The following ZNF469 variants were observed in gnomAD, a reference collection of about 807,000 sequenced individuals.
The protein encoded by ZNF469 is zinc finger protein 469.
In ZNF469, 1 loss-of-function variant was observed where a neutral mutation model predicts 1.0. The ratio of observed to expected loss-of-function variants is 1.00; its 90% CI spans 0.35 to 4.73. The LOEUF (loss-of-function observed/expected upper bound fraction) is 4.73, where lower values mean the gene tolerates loss of function less well. Among genes scored for constraint, ZNF469 ranks in the 30% most tolerant of loss-of-function variants. The probability of loss-of-function intolerance (pLI) is 0.16; values close to 1 mark genes in which losing one functional copy is unlikely to be tolerated. For synonymous variants in ZNF469, 2,703 were observed against 2,363.4 expected (o/e 1.14, Z -4.17); for missense variants, 6,100 against 5,356.3 (o/e 1.14, Z -4.33).
chr16:88,280,237 G>C, the ZNF469 span, among the ~76,000 whole-genome samples: 26 of 151,540 alleles, frequency 1.7e-4, no homozygotes, highest in Non-Finnish European at 3.4e-4. Flanking sequence ...GCACCACCCT[G>C]ACGCTCAGTC....
At chr16:88,142,339 C>T in the ZNF469 span, among the ~76,000 whole-genome samples, 5 of 152,232 alleles carry the variant, frequency 3.3e-5, 1 homozygote, top group African/African-American at 4.8e-5. Flanking sequence ...CTGACCTTCA[C>T]CTCCTGGCCC....
rs1372539272 is a variant in ZNF469, at chr16:88,438,213, G to A, written c.10743G>A (p.Glu3581=). ...GAGCCCTGGAGAGGCCAGAGAACGA[G>A]GCTTCCCCAGGCAGCCCCGGGCCTC... ...LDGALERPEN[E]ASPGSPGPLL... The change falls in exon 3 of 3, where the codon GAG becomes GAA. Residue 3581 remains glutamate, a synonymous_variant. Coordinates refer to ENST00000565624, the MANE Select transcript of ZNF469 (RefSeq NM_001367624.2). The A allele has an allele frequency of 6.5e-7, 1 of 1,546,954 alleles. No homozygotes were observed. Among genetic ancestry groups the A allele is most frequent in the South Asian group, 1.2e-5 (1 of 83,950 alleles).
chr16:88,287,409 G>T, the ZNF469 span, among the ~76,000 whole-genome samples: 2 of 152,206 alleles, frequency 1.3e-5, no homozygotes, highest in Non-Finnish European at 2.9e-5. Context: ...GTGTACAACC[G>T]CACCAGCGGA....
chr16:88,298,477 A>G, the ZNF469 span, among the ~76,000 whole-genome samples: 1 of 152,246 alleles, frequency 6.6e-6, no homozygotes, highest in African/African-American at 2.4e-5. Flanking sequence ...CAGTCCAGAC[A>G]GCCCAGGCTG....
chr16:88,331,431 C>T, the ZNF469 span, among the ~76,000 whole-genome samples: 2 of 150,554 alleles, frequency 1.3e-5, no homozygotes, highest in East Asian at 2.0e-4. Context: ...ACCAACACCA[C>T]CATCATAACC....
At chr16:88,259,257 C>T in the ZNF469 span, among the ~76,000 whole-genome samples, 1 of 139,064 alleles carries the variant, frequency 7.2e-6, no homozygotes, top group Admixed American at 7.0e-5. This position sits in a 1 kb window ranked among gnomAD's most constrained non-coding sequence, Gnocchi z 4.1. Flanking sequence ...CCACCCCCCG[C>T]CCCCCCGAAG....
chr16:88,417,506 T>C (rs1286801733), intron 1 of ZNF469, among the ~76,000 whole-genome samples: 2 of 152,152 alleles, frequency 1.3e-5, no homozygotes, highest in African/African-American at 4.8e-5. Flanking sequence ...TTGGCTCTGC[T>C]AGAAGGTTCC....
the ZNF469 span, among the ~76,000 whole-genome samples, chr16:88,327,358 G>C: frequency 1.3e-5 from 2 of 152,230 alleles, no homozygotes; most frequent in Non-Finnish European, 2.9e-5. Context: ...CAGCACCCCT[G>C]CCACCTGGCT....
At chr16:88,256,888 T>TCTTTCTCTCTCTCTC in the ZNF469 span, among the ~76,000 whole-genome samples, 3 of 50,276 alleles carry the variant, frequency 6.0e-5, no homozygotes, top group African/African-American at 2.4e-4. Flanking sequence ...TTCTTTTCTT[T>TCTTTCTCTCTCTCTC]TCTTTCCTTC....
the ZNF469 span, among the ~76,000 whole-genome samples, chr16:88,245,538 A>G: frequency 6.6e-6 from 1 of 152,236 alleles, no homozygotes; most frequent in African/African-American, 2.4e-5. Flanking sequence ...GCCCAGGAGA[A>G]ATCCAAGGCT....
the ZNF469 span, among the ~76,000 whole-genome samples, chr16:88,206,010 G>A: frequency 1.6e-4 from 24 of 152,268 alleles, no homozygotes; most frequent in South Asian, 1.5e-3. Context: ...CCCCCACCCC[G>A]GGTGGCACAG....
the ZNF469 span, among the ~76,000 whole-genome samples, chr16:88,273,008 G>A: frequency 4.0e-5 from 6 of 150,844 alleles, no homozygotes; most frequent in Middle Eastern, 6.8e-3. Context: ...GTGGATAGAC[G>A]AGTGGACGGA....
the ZNF469 span, among the ~76,000 whole-genome samples, chr16:88,173,703 T>C: frequency 6.6e-6 from 1 of 152,092 alleles, no homozygotes; most frequent in Admixed American, 6.5e-5. Flanking sequence ...AGAATGAGGG[T>C]TGGGGGAATG....
the ZNF469 span, among the ~76,000 whole-genome samples, chr16:88,342,465 G>A: frequency 1.3e-5 from 2 of 152,210 alleles, no homozygotes; most frequent in Non-Finnish European, 2.9e-5. Context: ...GCCACTGAGG[G>A]TCAGAGAGGA....
the ZNF469 span, among the ~76,000 whole-genome samples, chr16:88,261,307 G>A: frequency 6.6e-5 from 10 of 152,318 alleles, no homozygotes; most frequent in African/African-American, 1.7e-4. The surrounding 1 kb of genome is among the most constrained non-coding windows in gnomAD (Gnocchi z 6.0). Flanking sequence ...CCCCTCACAC[G>A]GCACCACCTG....
At chr16:88,425,935 C>T (rs961343899) in intron 2 of ZNF469, among the ~76,000 whole-genome samples, 2 of 152,208 alleles carry the variant, frequency 1.3e-5, no homozygotes, top group African/African-American at 4.8e-5. Context: ...CCAAATTGGG[C>T]AGGACCCTCC....
chr16:88,334,765 G>C, the ZNF469 span, among the ~76,000 whole-genome samples: 1 of 152,214 alleles, frequency 6.6e-6, no homozygotes, highest in East Asian at 1.9e-4. Context: ...AGCCTGAGAT[G>C]GGAAGATGCC....
At chr16:88,422,660 A>G (rs1465802121) in intron 1 of ZNF469, among the ~76,000 whole-genome samples, 3 of 123,156 alleles carry the variant, frequency 2.4e-5, no homozygotes, top group Non-Finnish European at 3.3e-5. Context: ...GAGTGGGTGG[A>G]TGGATGGGTG....
the ZNF469 span, among the ~76,000 whole-genome samples, chr16:88,190,548 C>T: frequency 3.3e-5 from 5 of 152,170 alleles, no homozygotes; most frequent in East Asian, 1.9e-4. Flanking sequence ...CACACAGCCA[C>T]GTCCTCACAA....
Sources: gnomAD v4.1 joint callset for allele counts (sites outside exome capture counted in the v4.1 genomes callset) on GRCh38, gnomAD v4.1.1 for gene constraint, Gnocchi (gnomAD v3.1) non-coding constraint, MANE v1.5 for transcripts, NCBI Gene and HGNC (gene_info 2026-07-23, HGNC 2026-07-21) for gene names.